Variants in HSD17B14 observed in about 807,000 individuals in gnomAD.
The protein encoded by HSD17B14 is hydroxysteroid 17-beta dehydrogenase 14.
Under a neutral mutation model 32.2 loss-of-function variants are expected in HSD17B14, and 32 were observed. The observed-to-expected ratio is 0.99, with a 90% CI of 0.75 to 1.33. The LOEUF is 1.33. Among genes scored for constraint, HSD17B14 ranks in the 40% most tolerant of loss-of-function variants. HSD17B14 has a pLI of 0.00. For missense variants in HSD17B14, 370 were observed against 366.5 expected (o/e 1.01, Z -0.08); for synonymous variants, 140 against 155.4 (o/e 0.90, Z 0.74).
At chr19:48,817,176 T>A (rs989448187) in intron 5 of HSD17B14, among the ~76,000 whole-genome samples, 1 of 71,600 alleles carries the variant, frequency 1.4e-5, no homozygotes, top group Non-Finnish European at 2.6e-5. Flanking sequence ...AACAAAAAAA[T>A]ATTTTTTGTT....
At chr19:48,836,282 T>A in intron 1 of HSD17B14, 42 bp downstream of exon 1, 5 of 1,512,072 alleles carry the variant, frequency 3.3e-6, no homozygotes, top group Non-Finnish European at 4.6e-6. Flanking sequence ...CCATCCTTCC[T>A]TTCTCACACT....
chr19:48,836,328 G>GGC lies in HSD17B14; in HGVS notation c.82_83dup (p.Phe29ProfsTer3), dbSNP rs758619535. 2.5e-6 allele frequency: 4 copies of GGC among 1,612,960 alleles called. No homozygotes were observed. The highest frequency in any genetic ancestry group is 1.7e-5 in the Admixed American group (1 of 59,846). On this transcript the variant is annotated frameshift_variant, in exon 1 of 9. Coordinates refer to ENST00000263278, the MANE Select transcript of HSD17B14 (RefSeq NM_016246.3). LOFTEE classifies it high-confidence loss of function. ...CAGCAGTCAGACCCGGCTCACCGAA[G>GGC]GCGCGCACGATCCCAGCTCCGATGC...
At chr19:48,833,357 A>G (rs1221939175) in intron 3 of HSD17B14, among the ~76,000 whole-genome samples, 1 of 152,118 alleles carries the variant, frequency 6.6e-6, no homozygotes, top group Non-Finnish European at 1.5e-5. Flanking sequence ...GATACTGATT[A>G]AAAGGAAGAA....
At chr19:48,821,734 G>T (rs2035152762) in intron 5 of HSD17B14, among the ~76,000 whole-genome samples, 1 of 150,344 alleles carries the variant, frequency 6.7e-6, no homozygotes, top group African/African-American at 2.4e-5. Flanking sequence ...TGGTGATGAG[G>T]ATGGTGATGG....
chr19:48,827,274 C>T (rs1024770819), intron 5 of HSD17B14, among the ~76,000 whole-genome samples: 5 of 151,830 alleles, frequency 3.3e-5, no homozygotes, highest in Non-Finnish European at 4.4e-5. Context: ...AACTCCTGAC[C>T]TCATGATCTG....
Position 48,813,291 on chromosome 19 carries a change from A to T in HSD17B14, c.697T>A (p.Ser233Thr). Residue 233 changes from serine (S) to threonine (T), a missense_variant, in exon 9 of 9, where the codon TCC (serine) becomes ACC (threonine). By Grantham distance (58) the Ser-to-Thr change is moderately conservative. Transcript: ENST00000263278. ...EVGAAAVFLA[S>T]EANFCTGIEL... Reference sequence around the variant, plus strand: ...ATGCCCGTGCAGAAGTTGGCTTCGGAGGCCAGGAACACTGCCGCAGCCCCG... The same window carrying T: ...ATGCCCGTGCAGAAGTTGGCTTCGGTGGCCAGGAACACTGCCGCAGCCCCG... 3 of 1,602,634 alleles carry T rather than the reference A, an allele frequency of 1.9e-6. No homozygotes were observed. Among genetic ancestry groups the T allele is most frequent in the Non-Finnish European group, 2.6e-6 (3 of 1,174,706 alleles).
Position 48,813,465 on chromosome 19 carries a change from C to T in HSD17B14, c.630G>A (p.Met210Ile), listed in dbSNP as rs1375897101. The change falls in exon 8 of 9, where the codon ATG (methionine) becomes ATA (isoleucine). Residue 210 changes from methionine to isoleucine, a missense_variant. By Grantham distance (10) the Met-to-Ile change is conservative (BLOSUM62 1). Coordinates refer to ENST00000263278, the MANE Select transcript of HSD17B14 (RefSeq NM_016246.3). Reference sequence around the variant, plus strand: ...TGAACCCCACTTCTACCTGGGCCAGCATGCCCTCTCGGATTGTGGCCCTAG... The same window carrying T: ...TGAACCCCACTTCTACCTGGGCCAGTATGCCCTCTCGGATTGTGGCCCTAG... ...PDPRATIREG[M>I]LAQPLGRMGQ... is the part of the protein sequence containing the mutation. 1 of 1,611,856 alleles carries T rather than the reference C, an allele frequency of 6.2e-7. No homozygotes were observed. Among genetic ancestry groups the T allele is most frequent in the Non-Finnish European group, 8.5e-7 (1 of 1,179,042 alleles).
chr19:48,822,409 G>C (rs1365996189), intron 5 of HSD17B14, among the ~76,000 whole-genome samples: 6 of 151,096 alleles, frequency 4.0e-5, no homozygotes, highest in Admixed American at 1.3e-4. Context: ...TTGTGGTAAT[G>C]ATGGTGGTGA....
chr19:48,815,124 C>A lies in HSD17B14; in HGVS notation c.387G>T (p.Leu129=), dbSNP rs974209361. The change falls in exon 6 of 9, where the codon CTG becomes CTT. Residue 129 remains leucine (L), a synonymous_variant. Coordinates refer to ENST00000263278, the MANE Select transcript of HSD17B14 (RefSeq NM_016246.3). The stretch of plus-strand genomic sequence containing the variant: ...TGATGACATTCCCTTGACTCTTCCG[C>A]AGGTAGGGGAGGGCGAGCTAGGGAG... ...YTLTKLALPY[L]RKSQGNVINI... is the part of the protein sequence containing the mutation. The A allele has an allele frequency of 1.9e-6, 3 of 1,613,786 alleles. No individual in the cohort carries two copies. The Admixed American group carries it at 5.0e-5, about 27-fold the overall frequency.
chr19:48,813,416 A>G (rs372528606), intron 8 of HSD17B14, 40 bp downstream of exon 8: 2 of 1,568,382 alleles, frequency 1.3e-6, no homozygotes, highest in Non-Finnish European at 1.7e-6. Flanking sequence ...CCCCACCCCC[A>G]TGCCACCTTC....
At chr19:48,824,289 G>A (rs1165084004) in intron 5 of HSD17B14, among the ~76,000 whole-genome samples, 1 of 76,804 alleles carries the variant, frequency 1.3e-5, no homozygotes, top group Non-Finnish European at 2.7e-5. Context: ...TTAGTCGGGT[G>A]CTGTGGCATG....
intron 5 of HSD17B14, among the ~76,000 whole-genome samples, chr19:48,822,130 TTGATGG>T (rs1214019397): frequency 1.4e-5 from 2 of 143,566 alleles, no homozygotes; most frequent in East Asian, 2.1e-4. Flanking sequence ...GATGCTGATG[TTGATGG>T]TGATGGTGAT....
At position 48,832,753 on chromosome 19, in the gene HSD17B14, C is replaced by G. The variant is rs184605823; in HGVS notation, c.211-21G>C. The G allele has an allele frequency of 6.2e-3, 9,812 of 1,585,898 alleles. 46 individuals carry two copies. The highest frequency in any genetic ancestry group is 6.9e-3 in the Non-Finnish European group (8,064 of 1,164,642). On this transcript the variant is annotated intron_variant, in intron 3 of 8. Coordinates refer to ENST00000263278, the MANE Select transcript of HSD17B14 (RefSeq NM_016246.3). ...AGGGTCTGAGGAGAAAGGAAATGTC[C>G]TTTGTTTTTTTTTTTTGGAGACGGT...
intron 2 of HSD17B14, among the ~76,000 whole-genome samples, chr19:48,834,972 G>A (rs1292535250): frequency 1.7e-4 from 3 of 17,260 alleles, no homozygotes; most frequent in East Asian, 3.7e-3. Flanking sequence ...GGGGCTGGGG[G>A]CCTGGACTCC....
chr19:48,832,132 C>T (rs866692260), intron 4 of HSD17B14, among the ~76,000 whole-genome samples: 49 of 140,422 alleles, frequency 3.5e-4, no homozygotes, highest in Admixed American at 1.4e-3. Flanking sequence ...GTAATCCCAG[C>T]ATTTGGGGAG....
intron 5 of HSD17B14, among the ~76,000 whole-genome samples, chr19:48,824,572 C>A (rs1371345581): frequency 6.6e-6 from 1 of 151,402 alleles, no homozygotes; most frequent in East Asian, 2.0e-4. Flanking sequence ...AGATTGAGAT[C>A]ATCCTGGCCA....
Position 48,815,036 on chromosome 19 carries a change from C to A in HSD17B14, c.474+1G>T, listed in dbSNP as rs2035027871. The A allele has an allele frequency of 6.2e-7, 1 of 1,612,170 alleles. No individual in the cohort carries two copies. The highest frequency in any genetic ancestry group is 8.5e-7 in the Non-Finnish European group (1 of 1,178,648). On this transcript the variant is annotated splice_donor_variant, in intron 6 of 8. Coordinates refer to ENST00000263278, the MANE Select transcript of HSD17B14 (RefSeq NM_016246.3). LOFTEE classifies it high-confidence loss of function. Reference sequence around the variant, plus strand: ...GAAGGAAGGGGTAGGGGCTGCCATACCTTGGTGGCCACATAGGGAACTGCC... The same window carrying A: ...GAAGGAAGGGGTAGGGGCTGCCATAACTTGGTGGCCACATAGGGAACTGCC...
chr19:48,817,838 T>C (rs1441702207), intron 5 of HSD17B14, among the ~76,000 whole-genome samples: 1 of 152,214 alleles, frequency 6.6e-6, no homozygotes, highest in African/African-American at 2.4e-5. Flanking sequence ...AACATTCTCC[T>C]GTACCTACAA....
rs2035360780 is a variant in HSD17B14 at position 48,832,646 on chromosome 19, C to T, written c.277+20G>A. The T allele has an allele frequency of 6.2e-7, 1 of 1,609,848 alleles. No homozygotes were observed. ...TGGGGGGCAGGAGGTGGAGAATGGC[C>T]CTGGGGTCTCACAACTCACGGTGGC... On this transcript the variant is annotated intron_variant, in intron 4 of 8. Coordinates refer to ENST00000263278, the MANE Select transcript of HSD17B14 (RefSeq NM_016246.3).
Sources: gnomAD v4.1 joint callset for allele counts (sites outside exome capture counted in the v4.1 genomes callset) on GRCh38, gnomAD v4.1.1 for gene constraint, MANE v1.5 for transcripts, NCBI Gene and HGNC (gene_info 2026-07-23, HGNC 2026-07-21) for gene names.